Variants in SMAD5 observed in about 807,000 individuals in gnomAD.
SMAD5 encodes the protein MAD, mothers against decapentaplegic homolog 5.
In SMAD5, 9 loss-of-function variants were observed where a neutral mutation model predicts 43.1. The ratio of observed to expected loss-of-function variants is 0.21; its 90% CI spans 0.13 to 0.36. The LOEUF (loss-of-function observed/expected upper bound fraction) is 0.36, where lower values mean the gene tolerates loss of function less well. Ranked by LOEUF, SMAD5 falls within the 10% of genes least tolerant of loss-of-function variation. SMAD5 has a pLI of 1.00. For missense variants in SMAD5, 348 were observed against 574.0 expected (o/e 0.61, Z 4.02); for synonymous variants, 190 against 192.4 (o/e 0.99, Z 0.10).
intron 1 of SMAD5, among the ~76,000 whole-genome samples, chr5:136,137,017 ATTTTTTTT>A (rs60239443): frequency 9.2e-6 from 1 of 108,996 alleles, no homozygotes; most frequent in Non-Finnish European, 1.9e-5. Context: ...TTTAGTTTTG[ATTTTTTTT>A]TTTTTTTTTT....
At chr5:136,174,675 G>T in intron 7 of SMAD5, 43 bp downstream of exon 7, 1 of 1,392,376 alleles carries the variant, frequency 7.2e-7, no homozygotes, top group Non-Finnish European at 1.0e-6. Context: ...CTATAAATGT[G>T]TATATTATGA....
At chr5:136,163,160 G>T in intron 4 of SMAD5, 112 bp from the exon 5 acceptor site, 2 of 829,864 alleles carry the variant, frequency 2.4e-6, no homozygotes, top group Admixed American at 3.1e-5. Flanking sequence ...ATTTTTTTGT[G>T]TGTGATGTTC....
At chr5:136,173,014 T>C (rs1022500428) in intron 6 of SMAD5, among the ~76,000 whole-genome samples, 2 of 152,160 alleles carry the variant, frequency 1.3e-5, no homozygotes, top group African/African-American at 4.8e-5. Context: ...TTATGGAATA[T>C]TGTGTATGAA....
At chr5:136,134,785 A>G (rs1355689730) in intron 1 of SMAD5, 3 of 152,084 alleles carry the variant, frequency 2.0e-5, no homozygotes, top group Non-Finnish European at 4.4e-5. Context: ...CCCTTTCCAC[A>G]TTGTTGCTCC....
Position 136,172,422 on chromosome 5 carries a change from G to T in SMAD5, c.776-12G>T, listed in dbSNP as rs1302132765. 6.7e-7 allele frequency: 1 copy of T among 1,502,540 alleles called. No individual in the cohort carries two copies. The highest frequency in any genetic ancestry group is 1.4e-5 in the African/African-American group (1 of 72,506). 93.1% of individuals were successfully genotyped at this position (1,502,540 alleles called of 1,614,324 possible). On this transcript the variant is annotated splice_polypyrimidine_tract_variant and intron_variant, in intron 5 of 7. Coordinates refer to ENST00000545279, the MANE Select transcript of SMAD5 (RefSeq NM_005903.7). ...ATGTATTAAACTCTTTCTGTGTCTGGTTTGTTCACAGATGTTCAGCCTGTT... is the reference window on the plus strand; with the variant it reads ...ATGTATTAAACTCTTTCTGTGTCTGTTTTGTTCACAGATGTTCAGCCTGTT...
intron 1 of SMAD5, among the ~76,000 whole-genome samples, chr5:136,143,291 G>A (rs1580764763): frequency 1.3e-5 from 2 of 148,688 alleles, no homozygotes; most frequent in African/African-American, 2.5e-5. Flanking sequence ...ATTTAATCAC[G>A]GTGTGTGTGT....
intron 4 of SMAD5, among the ~76,000 whole-genome samples, chr5:136,162,593 T>C (rs1022943970): frequency 3.9e-5 from 6 of 152,196 alleles, no homozygotes; most frequent in African/African-American, 1.2e-4. Context: ...TACAAAACAT[T>C]GGGATGAAAG....
intron 3 of SMAD5, among the ~76,000 whole-genome samples, chr5:136,158,448 A>G (rs188069017): frequency 2.0e-5 from 3 of 152,330 alleles, no homozygotes; most frequent in Admixed American, 6.5e-5. Flanking sequence ...ATTTTTATAC[A>G]TGCAGGAAGT....
intron 1 of SMAD5, among the ~76,000 whole-genome samples, chr5:136,140,473 C>T (rs1753040285): frequency 6.6e-6 from 1 of 152,166 alleles, no homozygotes; most frequent in Admixed American, 6.5e-5. Context: ...TCAGGCTATA[C>T]TGGTCTTCTA....
intron 6 of SMAD5, among the ~76,000 whole-genome samples, chr5:136,173,730 G>A (rs1190265700): frequency 1.3e-5 from 2 of 151,760 alleles, no homozygotes; most frequent in East Asian, 3.9e-4. Context: ...GATATGTTGG[G>A]AAAATACTAG....
At chr5:136,167,198 G>A (rs902873384) in intron 5 of SMAD5, among the ~76,000 whole-genome samples, 9 of 150,444 alleles carry the variant, frequency 6.0e-5, no homozygotes, top group African/African-American at 2.0e-4. Context: ...CCTTCTGCTC[G>A]TTCTTAGCTC....
chr5:136,141,432 C>T (rs745508276), intron 1 of SMAD5, among the ~76,000 whole-genome samples: 1 of 152,166 alleles, frequency 6.6e-6, no homozygotes, highest in African/African-American at 2.4e-5. Context: ...ATTGTACTTA[C>T]ATATAGGGGT....
At chr5:136,135,112 G>A (rs1561636726) in intron 1 of SMAD5, among the ~76,000 whole-genome samples, 1 of 152,212 alleles carries the variant, frequency 6.6e-6, no homozygotes, top group Non-Finnish European at 1.5e-5. Flanking sequence ...GATTGATAAT[G>A]TGTTGGATTT....
In SMAD5 at chr5:136,148,503, G is replaced by A. The variant is rs1184927832; in HGVS notation, c.-170+597G>A. Among the ~76,000 whole-genome samples, 3 of 151,764 alleles carry A rather than the reference G, an allele frequency of 2.0e-5. No homozygotes were observed. The East Asian group carries it at 5.8e-4, about 29-fold the overall frequency. On this transcript the variant is annotated intron_variant, in intron 2 of 7. Coordinates refer to ENST00000545279, the MANE Select transcript of SMAD5 (RefSeq NM_005903.7). Reference sequence around the variant, plus strand: ...TATAATACTGAAGGAAAGATTACGTGTTATTCCTTCTATACAACATTCACA... The same window carrying A: ...TATAATACTGAAGGAAAGATTACGTATTATTCCTTCTATACAACATTCACA...
In SMAD5 at chr5:136,179,677, G is replaced by A. The variant is rs1031998584; in HGVS notation, c.*2197G>A. ...CTTAAATGTAAGTATTACATGACAT[G>A]CATTCTGTTTCTTCCAGAGTTCTGT... On this transcript the variant is annotated 3_prime_UTR_variant, in exon 8 of 8. Coordinates refer to ENST00000545279, the MANE Select transcript of SMAD5 (RefSeq NM_005903.7). 2.0e-5 allele frequency: 3 copies of A among 152,160 alleles called. No homozygotes were observed. Among genetic ancestry groups the A allele is most frequent in the Admixed American group, 2.0e-4 (3 of 15,276 alleles). The allele number at this position is 152,160 out of a possible 1,614,324, so 9.4% of individuals were successfully genotyped here. A position where few individuals can be genotyped will look rare whatever the true frequency, so the allele number is the denominator to read the frequency against.
At chr5:136,143,820 G>GTT (rs751773923) in intron 1 of SMAD5, among the ~76,000 whole-genome samples, 4 of 151,378 alleles carry the variant, frequency 2.6e-5, no homozygotes, top group Admixed American at 1.3e-4. Context: ...CAAACCAGCT[G>GTT]TTTTTTTTGC....
At position 136,143,837 on chromosome 5, in the gene SMAD5, G is replaced by A. The variant is rs192204148; in HGVS notation, c.-244-3995G>A. Among the ~76,000 whole-genome samples the A allele has an allele frequency of 1.2e-3, 186 of 151,912 alleles. 1 individual carries two copies. Among genetic ancestry groups the A allele is most frequent in the Non-Finnish European group, 2.2e-3 (151 of 67,898 alleles). On this transcript the variant is annotated intron_variant, in intron 1 of 7. Transcript: ENST00000545279. ...AACCAGCTGTTTTTTTTGCACAGTT[G>A]CTAAACCCCCTCAACCAACTTCTTG...
At chr5:136,170,773 A>G (rs925219707) in intron 5 of SMAD5, among the ~76,000 whole-genome samples, 1 of 152,096 alleles carries the variant, frequency 6.6e-6, no homozygotes, top group Non-Finnish European at 1.5e-5. Context: ...AGTCTTCCTC[A>G]TAGAGCATGT....
At position 136,154,179 on chromosome 5, in the gene SMAD5, G is replaced by T. The variant is rs763386586; in HGVS notation, c.403+16G>T. On this transcript the variant is annotated intron_variant, in intron 3 of 7. Coordinates refer to ENST00000545279, the MANE Select transcript of SMAD5 (RefSeq NM_005903.7). The stretch of plus-strand genomic sequence containing the variant: ...GAGAGTCCAGGTAGGTCTTATTCCT[G>T]AGAAGAATTTGGAAAAACAAAAACA... 1 of 1,447,838 alleles carries T rather than the reference G, an allele frequency of 6.9e-7. No individual in the cohort carries two copies. Among genetic ancestry groups the T allele is most frequent in the Non-Finnish European group, 9.1e-7 (1 of 1,100,058 alleles). The allele number at this position is 1,447,838 out of a possible 1,614,324, so 89.7% of individuals were successfully genotyped here. A position where few individuals can be genotyped will look rare whatever the true frequency, so the allele number is the denominator to read the frequency against.
Sources: gnomAD v4.1 joint callset for allele counts (sites outside exome capture counted in the v4.1 genomes callset) on GRCh38, gnomAD v4.1.1 for gene constraint, MANE v1.5 for transcripts, NCBI Gene and HGNC (gene_info 2026-07-23, HGNC 2026-07-21) for gene names.